Variants in LRP1B observed in about 807,000 individuals in gnomAD.
The protein encoded by LRP1B is low-density lipoprotein receptor-related protein 1B.
A neutral mutation model predicts 556.6 loss-of-function variants in LRP1B; 217 were observed. That is an observed-to-expected ratio of 0.39 (90% CI 0.35 to 0.44). LRP1B has a LOEUF of 0.44. LRP1B is among the 20% of genes least tolerant of loss of function. The probability of loss-of-function intolerance (pLI) is 1.00; values close to 1 mark genes in which losing one functional copy is unlikely to be tolerated. For synonymous variants in LRP1B, 2,047 were observed against 1,865.8 expected (o/e 1.10, Z -2.50); for missense variants, 5,053 against 5,620.8 (o/e 0.90, Z 3.23).
At chr2:140,314,047 A>G (rs1318656253) in intron 83 of LRP1B, among the ~76,000 whole-genome samples, 2 of 151,982 alleles carry the variant, frequency 1.3e-5, no homozygotes, top group Non-Finnish European at 2.9e-5. Flanking sequence ...AGTTAGCACT[A>G]TATTAAATAC....
rs1689439476 is a variant in LRP1B, at chr2:140,506,872, T to TTTA, written c.8442_8444dup (p.Asn2814dup). Reference sequence around the variant, plus strand: ...AAACAAATTGCTTGGGAATGCATACTTTATTATGGCACATGAAAGCATTTT... The same window carrying TTTA: ...AAACAAATTGCTTGGGAATGCATACTTTATTATTATGGCACATGAAAGCATTTT... On this transcript the variant is annotated inframe_insertion, in exon 53 of 91. Coordinates refer to ENST00000389484, the MANE Select transcript of LRP1B (RefSeq NM_018557.3). The TTTA allele has an allele frequency of 6.2e-7, 1 of 1,613,954 alleles. No individual in the cohort carries two copies. The highest frequency in any genetic ancestry group is 1.7e-5 in the Admixed American group (1 of 60,006).
chr2:141,289,406 A>AG (rs1486058618), intron 3 of LRP1B, among the ~76,000 whole-genome samples: 58 of 146,584 alleles, frequency 4.0e-4, no homozygotes, highest in African/African-American at 1.4e-3. Context: ...AAAAAAAAAA[A>AG]GGAATGCAAA....
intron 2 of LRP1B, among the ~76,000 whole-genome samples, chr2:141,804,161 C>T (rs1017524580): frequency 6.6e-6 from 1 of 151,970 alleles, no homozygotes; most frequent in Non-Finnish European, 1.5e-5. Context: ...ATTAGGTAGC[C>T]TGAAGGATTC....
intron 41 of LRP1B, among the ~76,000 whole-genome samples, chr2:140,693,718 CG>C (rs748257345): frequency 1.5e-5 from 2 of 137,456 alleles, no homozygotes; most frequent in African/African-American, 2.7e-5. Context: ...GGGTGGGTGG[CG>C]GGGGGGCGTG....
intron 2 of LRP1B, among the ~76,000 whole-genome samples, chr2:141,508,089 C>A (rs75088460): frequency 4.8e-5 from 1 of 20,718 alleles, no homozygotes; most frequent in African/African-American, 1.3e-4. Context: ...CCATCCCCCC[C>A]CCAAAAAAAA....
intron 1 of LRP1B, among the ~76,000 whole-genome samples, chr2:141,895,830 C>A (rs1390304393): frequency 2.6e-5 from 4 of 151,992 alleles, no homozygotes; most frequent in Non-Finnish European, 4.4e-5. Context: ...TGGTTTTTTT[C>A]TTTCTTTCCG....
chr2:141,120,014 G>T (rs777738061), intron 7 of LRP1B, among the ~76,000 whole-genome samples: 1 of 151,826 alleles, frequency 6.6e-6, no homozygotes, highest in Non-Finnish European at 1.5e-5. Context: ...TTAAATAAAA[G>T]CTGGTAGGAA....
intron 2 of LRP1B, among the ~76,000 whole-genome samples, chr2:141,495,094 G>T (rs1035300992): frequency 1.3e-5 from 2 of 151,978 alleles, no homozygotes; most frequent in Non-Finnish European, 2.9e-5. Flanking sequence ...CTATGTTGTA[G>T]GCTATAAAAA....
chr2:141,433,212 T>C (rs886260459), intron 3 of LRP1B, among the ~76,000 whole-genome samples: 10 of 152,098 alleles, frequency 6.6e-5, no homozygotes, highest in Admixed American at 2.6e-4. Context: ...CCTTCTGTTA[T>C]TGATTTCTAA....
At chr2:140,752,640 T>C (rs1445213739) in intron 35 of LRP1B, among the ~76,000 whole-genome samples, 2 of 152,250 alleles carry the variant, frequency 1.3e-5, no homozygotes, top group Non-Finnish European at 2.9e-5. Flanking sequence ...TCACATTTTA[T>C]ATACATGTAT....
chr2:141,350,646 T>C (rs1028074664), intron 3 of LRP1B, among the ~76,000 whole-genome samples: 1 of 152,092 alleles, frequency 6.6e-6, no homozygotes, highest in African/African-American at 2.4e-5. Context: ...AACCATCGTA[T>C]CACTCACACT....
At chr2:141,204,238 T>C (rs1451155825) in intron 6 of LRP1B, among the ~76,000 whole-genome samples, 4 of 152,306 alleles carry the variant, frequency 2.6e-5, no homozygotes, top group African/African-American at 9.6e-5. Context: ...AATCAATAAG[T>C]GCCTTTGATT....
intron 32 of LRP1B, among the ~76,000 whole-genome samples, chr2:140,781,867 T>C (rs991516474): frequency 1.3e-5 from 2 of 152,198 alleles, no homozygotes. Context: ...GATTTTGTAT[T>C]TAATGGTTGC....
intron 67 of LRP1B, among the ~76,000 whole-genome samples, chr2:140,381,886 AGAG>A (rs1174132862): frequency 2.0e-5 from 3 of 148,774 alleles, no homozygotes; most frequent in Admixed American, 6.7e-5. Flanking sequence ...AAAAAAAAAA[AGAG>A]GAGAAAAGAA....
chr2:141,810,113 A>AAGAAAGAAAGAAAG (rs878861986), intron 2 of LRP1B, among the ~76,000 whole-genome samples, 166 bp downstream of exon 2: 8 of 77,928 alleles, frequency 1.0e-4, no homozygotes, highest in South Asian at 4.1e-4. Flanking sequence ...GAAAGAAAGA[A>AAGAAAGAAAGAAAG]AAAGAAAGAA....
At position 141,786,972 on chromosome 2, in the gene LRP1B, A is replaced by T. The variant is rs187778278; in HGVS notation, c.205+23307T>A. Among the ~76,000 whole-genome samples, 70 of 152,086 alleles carry T rather than the reference A, an allele frequency of 4.6e-4. 1 individual carries two copies. The highest frequency in any genetic ancestry group is 1.6e-3 in the African/African-American group (68 of 41,520). On this transcript the variant is annotated intron_variant, in intron 2 of 90. Transcript: ENST00000389484. ...TGATTTTTAATATTGAAACAATCCA[A>T]TATTTCCAGTATCAACATCACTTGG...
intron 20 of LRP1B, among the ~76,000 whole-genome samples, chr2:140,936,339 C>CAAAAAAAAAA (rs59717868): frequency 3.5e-5 from 3 of 86,820 alleles, no homozygotes; most frequent in African/African-American, 9.3e-5. Flanking sequence ...GACTCCGTCT[C>CAAAAAAAAAA]AAAAAAAAAA....
At chr2:140,307,159 T>C (rs1378123817) in intron 83 of LRP1B, among the ~76,000 whole-genome samples, 3 of 151,944 alleles carry the variant, frequency 2.0e-5, no homozygotes, top group Non-Finnish European at 4.4e-5. Flanking sequence ...AATTTGTTTT[T>C]GGTATTAGAG....
At chr2:140,741,840 TGTAA>T (rs1403807062) in intron 35 of LRP1B, among the ~76,000 whole-genome samples, 1 of 152,314 alleles carries the variant, frequency 6.6e-6, no homozygotes, top group East Asian at 1.9e-4. Context: ...AGCTCCCAAA[TGTAA>T]GTGAGAACAT....
Sources: allele counts gnomAD v4.1 joint callset (sites outside exome capture counted in the v4.1 genomes callset), GRCh38; gene constraint gnomAD v4.1.1; transcripts MANE v1.5; gene names NCBI Gene and HGNC (gene_info 2026-07-23, HGNC 2026-07-21).